The following TBC1D21 variants were observed in gnomAD, a reference collection of about 807,000 sequenced individuals.
TBC1D21 encodes the protein male germ cell Rab GTPase-activating protein.
TBC1D21 carries 38 observed loss-of-function variants against 46.0 expected under a neutral mutation model. The observed-to-expected ratio is 0.83, with a 90% CI of 0.64 to 1.08. The LOEUF is 1.08. TBC1D21 is among the 50% of genes least tolerant of loss of function. The probability of loss-of-function intolerance (pLI) is 0.00; values close to 1 mark genes in which losing one functional copy is unlikely to be tolerated. For synonymous variants in TBC1D21, 151 were observed against 157.2 expected (o/e 0.96, Z 0.29); for missense variants, 415 against 417.9 (o/e 0.99, Z 0.06).
In TBC1D21 at chr15:73,873,762, T is replaced by C; in HGVS notation, c.53T>C (p.Phe18Ser). ...CTCTCTGCCAGACAGTCAGCCTCCT[T>C]CATCCTGGTGCGTGTTCTTTGTCAG... The part of the protein sequence containing the change: ...NSLSARQSAS[F>S]ILVKRKPPID... Residue 18 changes from phenylalanine (F) to serine (S), a missense_variant, in exon 1 of 11, where the codon TTC becomes TCC. Phe to Ser is a radical substitution (Grantham distance 155). Transcript: ENST00000300504. 1 of 1,610,250 alleles carries C rather than the reference T, an allele frequency of 6.2e-7. No homozygotes were observed. The highest frequency in any genetic ancestry group is 8.5e-7 in the Non-Finnish European group (1 of 1,177,930).
In TBC1D21 at chr15:73,881,658, C is replaced by T. The variant is rs768162343; in HGVS notation, c.183C>T (p.Phe61=). The T allele has an allele frequency of 3.3e-5, 53 of 1,613,278 alleles. No individual in the cohort carries two copies. The highest frequency in any genetic ancestry group is 5.5e-5 in the South Asian group (5 of 91,032). ...VNILERGLHP[F]VRTEAWKFLT... The stretch of plus-strand genomic sequence containing the variant: ...CCCCACCCCAGGGTCTGCACCCCTT[C>T]GTGAGGACTGAAGCCTGGAAATTCC... The change falls in exon 3 of 11, where the codon TTC becomes TTT. Residue 61 remains phenylalanine, a synonymous_variant. Coordinates refer to ENST00000300504, the MANE Select transcript of TBC1D21 (RefSeq NM_153356.3).
At chr15:73,876,992 T>A (rs535547178) in intron 1 of TBC1D21, among the ~76,000 whole-genome samples, 1 of 152,194 alleles carries the variant, frequency 6.6e-6, no homozygotes, top group East Asian at 1.9e-4. Context: ...CCAGCTCTGA[T>A]ACTTTCTGTA....
At chr15:73,876,205 T>TG (rs376919109) in intron 1 of TBC1D21, among the ~76,000 whole-genome samples, 6,722 of 21,934 alleles carry the variant, frequency 0.31, 2,282 homozygotes, top group East Asian at 0.64. Flanking sequence ...GTGGGTTTTT[T>TG]TTTTTTTTTT....
At chr15:73,882,451 A>G (rs1401437635) in intron 3 of TBC1D21, among the ~76,000 whole-genome samples, 1 of 151,718 alleles carries the variant, frequency 6.6e-6, no homozygotes, top group East Asian at 1.9e-4. Context: ...TCCCTCCACA[A>G]TGGCTTTCTA....
chr15:73,892,137 GC>G (rs2141590961), downstream of TBC1D21, among the ~76,000 whole-genome samples: 1 of 152,330 alleles, frequency 6.6e-6, no homozygotes, highest in African/African-American at 2.4e-5. Flanking sequence ...GACTCAGCCA[GC>G]CTCAGGCAGA....
the TBC1D21 span, among the ~76,000 whole-genome samples, chr15:73,900,522 G>A: frequency 6.6e-6 from 1 of 152,208 alleles, no homozygotes; most frequent in South Asian, 2.1e-4. Context: ...CTGGACCAGG[G>A]GCCCAGAGCT....
Position 73,888,358 on chromosome 15 carries a change from T to C in TBC1D21, c.895-72T>C, listed in dbSNP as rs540067269. The C allele has an allele frequency of 1.4e-5, 19 of 1,312,454 alleles. No individual in the cohort carries two copies. In the South Asian group the frequency reaches 2.4e-4, roughly 17 times the overall value. The allele number at this position is 1,312,454 out of a possible 1,614,324, so 81.3% of individuals were successfully genotyped here. On this transcript the variant is annotated intron_variant, in intron 9 of 10. Coordinates refer to ENST00000300504, the MANE Select transcript of TBC1D21 (RefSeq NM_153356.3). ...TTCTTCCCTGGGTGCTGCAGGCAGC[T>C]GCATGTGCCCAAGAGTGCTGGGAGA...
intron 1 of TBC1D21, among the ~76,000 whole-genome samples, chr15:73,881,032 C>T (rs1445241554): frequency 6.6e-6 from 1 of 152,126 alleles, no homozygotes; most frequent in East Asian, 1.9e-4. Context: ...ATATACAATT[C>T]TGTATTCTGC....
the TBC1D21 span, among the ~76,000 whole-genome samples, chr15:73,894,562 G>A: frequency 6.6e-5 from 10 of 152,200 alleles, no homozygotes; most frequent in Admixed American, 2.0e-4. Flanking sequence ...GTTGCAGGAA[G>A]TCAGTCTGCA....
At chr15:73,882,164 G>A (rs1178081298) in intron 3 of TBC1D21, among the ~76,000 whole-genome samples, 2 of 152,112 alleles carry the variant, frequency 1.3e-5, no homozygotes, top group African/African-American at 2.4e-5. Flanking sequence ...CCCTGCCTGT[G>A]CCCACTGTTT....
intron 3 of TBC1D21, among the ~76,000 whole-genome samples, chr15:73,882,552 G>A: frequency 6.6e-6 from 1 of 152,180 alleles, no homozygotes; most frequent in East Asian, 1.9e-4. Context: ...TCCCAAGGGA[G>A]CCAGGGATGA....
At chr15:73,881,580 G>A in intron 2 of TBC1D21, 64 bp from the exon 3 acceptor site, 1 of 1,601,204 alleles carries the variant, frequency 6.2e-7, no homozygotes, top group South Asian at 1.1e-5. Flanking sequence ...GTGTGGCGTT[G>A]GATGAAGCCC....
At chr15:73,890,070 G>A (rs1470544278), downstream of TBC1D21, among the ~76,000 whole-genome samples, 2 of 152,184 alleles carry the variant, frequency 1.3e-5, no homozygotes, top group Non-Finnish European at 2.9e-5. Flanking sequence ...GTGACTACAA[G>A]TTTTCAGGAG....
chr15:73,888,889 G>C (rs2068309162), intron 10 of TBC1D21, among the ~76,000 whole-genome samples, 180 bp from the exon 11 acceptor site: 1 of 152,152 alleles, frequency 6.6e-6, no homozygotes, highest in South Asian at 2.1e-4. Context: ...TGCACATGTA[G>C]CTCCTTCCTC....
the TBC1D21 span, among the ~76,000 whole-genome samples, chr15:73,902,742 C>T: frequency 6.6e-6 from 1 of 152,202 alleles, no homozygotes; most frequent in Non-Finnish European, 1.5e-5. Flanking sequence ...TCTCTGCTTC[C>T]AATCAATCAA....
chr15:73,880,830 T>C (rs2068141255), intron 1 of TBC1D21, among the ~76,000 whole-genome samples: 1 of 152,220 alleles, frequency 6.6e-6, no homozygotes, highest in South Asian at 2.1e-4. Flanking sequence ...TCAGAGATAA[T>C]CACTGCTGTT....
intron 1 of TBC1D21, among the ~76,000 whole-genome samples, chr15:73,880,557 G>C (rs1037455294): frequency 9.9e-5 from 15 of 152,162 alleles, no homozygotes; most frequent in African/African-American, 3.6e-4. Context: ...GATCACCTGA[G>C]GCCAAGAGAT....
chr15:73,884,305 C>A, intron 4 of TBC1D21, 60 bp downstream of exon 4: 1 of 1,453,556 alleles, frequency 6.9e-7, no homozygotes, highest in Admixed American at 1.7e-5. Flanking sequence ...AACCCTGCCC[C>A]CTTCTCAGCC....
Position 73,889,208 on chromosome 15 carries a change from G to A in TBC1D21, c.*107G>A. The A allele has an allele frequency of 1.5e-6, 2 of 1,314,574 alleles. No individual in the cohort carries two copies. The highest frequency in any genetic ancestry group is 2.5e-5 in the South Asian group (2 of 79,318). 81.4% of individuals were successfully genotyped at this position (1,314,574 alleles called of 1,614,324 possible). The stretch of plus-strand genomic sequence containing the variant: ...ACAGCTGCAATATAAACAGTCCTCT[G>A]GAATAATGGTTTGTGGTGGATGCTA... On this transcript the variant is annotated 3_prime_UTR_variant, in exon 11 of 11. Coordinates refer to ENST00000300504, the MANE Select transcript of TBC1D21 (RefSeq NM_153356.3).
Sources: allele counts gnomAD v4.1 joint callset (sites outside exome capture counted in the v4.1 genomes callset), GRCh38; gene constraint gnomAD v4.1.1; transcripts MANE v1.5; gene names NCBI Gene and HGNC (gene_info 2026-07-23, HGNC 2026-07-21).